The following ASIC2 variants were observed in gnomAD, a reference collection of about 807,000 sequenced individuals.
ASIC2 encodes acid-sensing ion channel 2.
In ASIC2, 25 loss-of-function variants were observed where a neutral mutation model predicts 57.3. That is an observed-to-expected ratio of 0.44 (90% CI 0.32 to 0.61). The LOEUF is 0.61. ASIC2 is among the 20% of genes least tolerant of loss of function. The pLI is 0.06. For missense variants in ASIC2, 641 were observed against 738.1 expected, an observed-to-expected ratio of 0.87 and a Z score of 1.52; for synonymous variants, 319 against 307.5, an observed-to-expected ratio of 1.04 and a Z score of -0.39.
chr17:33,843,046 G>A (rs537930330), intron 1 of ASIC2, among the ~76,000 whole-genome samples: 7 of 152,156 alleles, frequency 4.6e-5, no homozygotes, highest in Admixed American at 3.3e-4. Context: ...AAAAACAAAC[G>A]GGCCCTCAGT....
chr17:34,019,779 C>T (rs1370442584), intron 1 of ASIC2, among the ~76,000 whole-genome samples: 2 of 152,130 alleles, frequency 1.3e-5, no homozygotes, highest in African/African-American at 4.8e-5. Context: ...CACAATATCT[C>T]CAAAGTATGA....
intron 1 of ASIC2, among the ~76,000 whole-genome samples, chr17:33,501,672 T>C (rs1914104723): frequency 6.6e-6 from 1 of 152,196 alleles, no homozygotes; most frequent in Non-Finnish European, 1.5e-5. Flanking sequence ...CCTATCAGCA[T>C]GGTAGAGGCT....
chr17:33,395,368 A>G (rs1038279750), intron 1 of ASIC2, among the ~76,000 whole-genome samples: 4 of 152,210 alleles, frequency 2.6e-5, no homozygotes, highest in Non-Finnish European at 5.9e-5. Context: ...GTGGAAGGCA[A>G]GGAGGAGCAA....
intron 1 of ASIC2, among the ~76,000 whole-genome samples, chr17:33,387,121 C>G (rs1480515626): frequency 6.6e-5 from 10 of 152,162 alleles, no homozygotes; most frequent in African/African-American, 2.4e-4. Flanking sequence ...CTCCTGACCT[C>G]AAGTGATCCA....
rs376773275 is a variant in ASIC2, at chr17:33,507,049, A to G, written c.556-394982T>C. Among the ~76,000 whole-genome samples the G allele has an allele frequency of 9.2e-5, 14 of 152,296 alleles. No homozygotes were observed. The South Asian group carries it at 2.7e-3, about 29-fold the overall frequency. ...CTGTAGTCTTCACTGGGGCAGGGTC[A>G]AGGGGCCGGGAACACTTGGACAAGC... On this transcript the variant is annotated intron_variant, in intron 1 of 9. Coordinates refer to the ASIC2 transcript ENST00000359872.
At chr17:33,243,425 C>T (rs1171293543) in intron 1 of ASIC2, among the ~76,000 whole-genome samples, 1 of 152,072 alleles carries the variant, frequency 6.6e-6, no homozygotes, top group Non-Finnish European at 1.5e-5. Flanking sequence ...GTTGGGGGCA[C>T]CATGGCTGCC....
chr17:33,684,477 C>A (rs1221852532), intron 1 of ASIC2, among the ~76,000 whole-genome samples: 2 of 150,336 alleles, frequency 1.3e-5, no homozygotes, highest in Non-Finnish European at 3.0e-5. Flanking sequence ...CGACCCTGAC[C>A]CTGGGTTGGG....
intron 1 of ASIC2, among the ~76,000 whole-genome samples, chr17:33,761,584 A>C (rs947165231): frequency 1.3e-5 from 2 of 152,116 alleles, no homozygotes; most frequent in Admixed American, 6.6e-5. Flanking sequence ...CTTGAGATGG[A>C]AGACGTGAGC....
At chr17:33,906,201 A>G (rs1309431745) in intron 1 of ASIC2, among the ~76,000 whole-genome samples, 1 of 152,090 alleles carries the variant, frequency 6.6e-6, no homozygotes, top group Non-Finnish European at 1.5e-5. Flanking sequence ...TTTTGTAACC[A>G]GGAGACCTAT....
chr17:34,145,306 G>A (rs1912386666), intron 1 of ASIC2, among the ~76,000 whole-genome samples: 1 of 152,188 alleles, frequency 6.6e-6, no homozygotes, highest in Non-Finnish European at 1.5e-5. Context: ...TGATTCTGCA[G>A]TCTGGATGTG....
intron 1 of ASIC2, among the ~76,000 whole-genome samples, chr17:33,322,342 C>T (rs1906902493): frequency 6.6e-6 from 1 of 152,110 alleles, no homozygotes; most frequent in African/African-American, 2.4e-5. Context: ...CAAAATCCAG[C>T]CGAATGAGAG....
chr17:33,714,907 T>G (rs1041684351), intron 1 of ASIC2, among the ~76,000 whole-genome samples: 8 of 151,362 alleles, frequency 5.3e-5, no homozygotes, highest in African/African-American at 1.9e-4. Context: ...AGCCTTGAAT[T>G]TCTGGCCTCC....
At chr17:33,815,340 GC>G (rs1399998463) in intron 1 of ASIC2, among the ~76,000 whole-genome samples, 2 of 152,138 alleles carry the variant, frequency 1.3e-5, no homozygotes, top group Non-Finnish European at 2.9e-5. Context: ...TTGGGGCATG[GC>G]CCCCACAGGC....
chr17:33,767,703 T>C (rs1910973794), intron 1 of ASIC2, among the ~76,000 whole-genome samples: 1 of 152,252 alleles, frequency 6.6e-6, no homozygotes, highest in Non-Finnish European at 1.5e-5. Flanking sequence ...AAAGAGTATT[T>C]CTGTTTTATT....
chr17:33,299,353 G>A (rs2142192453), intron 1 of ASIC2, among the ~76,000 whole-genome samples: 1 of 152,332 alleles, frequency 6.6e-6, no homozygotes, highest in Non-Finnish European at 1.5e-5. Flanking sequence ...AAATGTCCAG[G>A]AGTCATGATG....
chr17:34,006,583 C>A (rs1012265593), intron 1 of ASIC2: 5 of 152,050 alleles, frequency 3.3e-5, no homozygotes, highest in African/African-American at 1.2e-4. Flanking sequence ...TCTTATTTTT[C>A]TTAAGGTATT....
At chr17:33,512,062 G>T (rs1021773562) in intron 1 of ASIC2, among the ~76,000 whole-genome samples, 1 of 152,144 alleles carries the variant, frequency 6.6e-6, no homozygotes, top group African/African-American at 2.4e-5. Context: ...GTAAAAGGAG[G>T]AGTTTGGGAA....
At chr17:34,011,013 G>GACACACAC (rs1567786790) in intron 1 of ASIC2, among the ~76,000 whole-genome samples, 32 of 1,474 alleles carry the variant, frequency 0.022, 2 homozygotes, top group African/African-American at 0.04. Context: ...CACACACACA[G>GACACACAC]ATGCCAAAGT....
At chr17:33,441,998 C>T (rs1911840625) in intron 1 of ASIC2, among the ~76,000 whole-genome samples, 1 of 152,106 alleles carries the variant, frequency 6.6e-6, no homozygotes, top group African/African-American at 2.4e-5. Flanking sequence ...ATATCGATAT[C>T]CAGTGGTCCC....
Sources: gnomAD v4.1 joint callset for allele counts (sites outside exome capture counted in the v4.1 genomes callset) on GRCh38, gnomAD v4.1.1 for gene constraint, MANE v1.5 for transcripts, NCBI Gene and HGNC (gene_info 2026-07-23, HGNC 2026-07-21) for gene names.